The following PWWP2A variants were observed in gnomAD, a reference collection of about 807,000 sequenced individuals.
PWWP2A encodes PWWP domain-containing protein 2A.
In PWWP2A, 18 loss-of-function variants were observed where a neutral mutation model predicts 48.5. The ratio of observed to expected loss-of-function variants is 0.37; its 90% CI spans 0.26 to 0.55. The LOEUF is 0.55. PWWP2A is among the 20% of genes least tolerant of loss of function. The pLI is 0.81. For synonymous variants in PWWP2A, 396 were observed against 387.7 expected (o/e 1.02, Z -0.25); for missense variants, 867 against 976.4 (o/e 0.89, Z 1.49).
At chr5:160,045,575 T>C in the PWWP2A span, among the ~76,000 whole-genome samples, 1 of 145,590 alleles carries the variant, frequency 6.9e-6, no homozygotes, top group Non-Finnish European at 1.5e-5. Flanking sequence ...TCTCAATCTC[T>C]CAATTCATAA....
chr5:160,094,552 T>C (rs978482340), intron 1 of PWWP2A, among the ~76,000 whole-genome samples: 15 of 152,186 alleles, frequency 9.9e-5, no homozygotes, highest in Admixed American at 9.2e-4. Flanking sequence ...CTCAACTTTA[T>C]TGGTTAATCA....
intron 1 of PWWP2A, chr5:160,113,229 C>T: frequency 1.0e-6 from 1 of 982,312 alleles, no homozygotes; most frequent in Non-Finnish European, 1.2e-6. Flanking sequence ...TTTAGTACCA[C>T]TTTCTTTTCT....
chr5:160,097,933 T>A (rs561262858), intron 1 of PWWP2A, among the ~76,000 whole-genome samples: 2 of 152,060 alleles, frequency 1.3e-5, no homozygotes, highest in Admixed American at 6.6e-5. Flanking sequence ...AAGCTGGTTT[T>A]GAACTTCTGG....
At chr5:160,057,809 G>A (rs183184338), downstream of PWWP2A, among the ~76,000 whole-genome samples, 190 of 152,104 alleles carry the variant, frequency 1.2e-3, 3 homozygotes, top group Middle Eastern at 0.017. The surrounding 1 kb of genome is among the most constrained non-coding windows in gnomAD (Gnocchi z 4.4). Context: ...TCATTCTGTC[G>A]CCAGGCTGGA....
chr5:160,083,783 G>A, intron 2 of PWWP2A, among the ~76,000 whole-genome samples: 1 of 152,148 alleles, frequency 6.6e-6, no homozygotes, highest in Non-Finnish European at 1.5e-5. Context: ...CCCATGCCAG[G>A]CCCTGTGTTT....
At chr5:160,106,330 T>A (rs1291978838) in intron 1 of PWWP2A, among the ~76,000 whole-genome samples, 1 of 152,220 alleles carries the variant, frequency 6.6e-6, no homozygotes, top group East Asian at 1.9e-4. Context: ...TTGGTGTCTA[T>A]CTATGAAATG....
At chr5:160,088,187 G>A (rs1292115404), downstream of PWWP2A, among the ~76,000 whole-genome samples, 1 of 152,074 alleles carries the variant, frequency 6.6e-6, no homozygotes, top group African/African-American at 2.4e-5. Flanking sequence ...AATTGGCATG[G>A]CATCCTATTT....
chr5:160,058,442 G>A (rs373457885), downstream of PWWP2A, among the ~76,000 whole-genome samples: 7 of 140,198 alleles, frequency 5.0e-5, no homozygotes, highest in East Asian at 4.2e-4. Context: ...ACGGAGTCTC[G>A]CTGTGTCGCC....
downstream of PWWP2A, among the ~76,000 whole-genome samples, chr5:160,075,546 T>G (rs1753849439): frequency 6.6e-6 from 1 of 152,090 alleles, no homozygotes; most frequent in South Asian, 2.1e-4. Context: ...TCCTTAAAAT[T>G]AAAACAAAAG....
In PWWP2A at chr5:160,092,131, C is replaced by T; in HGVS notation, c.*251G>A. 3.3e-6 allele frequency: 4 copies of T among 1,219,502 alleles called. No homozygotes were observed. Among genetic ancestry groups the T allele is most frequent in the Non-Finnish European group, 4.1e-6 (4 of 976,934 alleles). The allele number at this position is 1,219,502 out of a possible 1,614,324, so 75.5% of individuals were successfully genotyped here. ...TTCAGTTGAGGCTATGGCTCCTATG[C>T]CTTGGGATGGTTTCGAACTTCAAAA... On this transcript the variant is annotated 3_prime_UTR_variant, in exon 2 of 2. Coordinates refer to ENST00000307063, the MANE Select transcript of PWWP2A (RefSeq NM_001130864.2).
At chr5:160,096,587 T>C (rs1343232389) in intron 1 of PWWP2A, among the ~76,000 whole-genome samples, 1 of 152,224 alleles carries the variant, frequency 6.6e-6, no homozygotes, top group African/African-American at 2.4e-5. Flanking sequence ...CATGTTCACG[T>C]TTCAATACCT....
intron 4 of PWWP2A, chr5:160,065,223 C>A: frequency 9.7e-7 from 1 of 1,035,324 alleles, no homozygotes; most frequent in Admixed American, 2.0e-5. Context: ...CTTTTATGAT[C>A]AGGGTGAAAT....
chr5:160,113,209 T>C (rs2113672783), intron 1 of PWWP2A: 2 of 980,522 alleles, frequency 2.0e-6, no homozygotes, highest in South Asian at 4.7e-5. Flanking sequence ...GTCCAGTCAA[T>C]AATTTACTAT....
At chr5:160,074,084 T>G (rs1753809846), downstream of PWWP2A, among the ~76,000 whole-genome samples, 1 of 147,340 alleles carries the variant, frequency 6.8e-6, no homozygotes, top group Non-Finnish European at 1.5e-5. Context: ...AAAAAAAAAT[T>G]TCATTCCGAT....
intron 1 of PWWP2A, among the ~76,000 whole-genome samples, chr5:160,106,450 T>C (rs2113628487): frequency 6.6e-6 from 1 of 152,130 alleles, no homozygotes; most frequent in East Asian, 1.9e-4. Context: ...TAGTAGCTAC[T>C]ATAAAACACA....
chr5:160,109,895 G>C (rs1446431697), intron 1 of PWWP2A, among the ~76,000 whole-genome samples: 1 of 134,936 alleles, frequency 7.4e-6, no homozygotes, highest in Non-Finnish European at 1.6e-5. Flanking sequence ...AATTGCAAGT[G>C]AATAAAAGTA....
intron 2 of PWWP2A, among the ~76,000 whole-genome samples, chr5:160,069,885 C>T (rs1425426657): frequency 6.6e-6 from 1 of 152,168 alleles, no homozygotes; most frequent in Non-Finnish European, 1.5e-5. Flanking sequence ...AAATCCCCAA[C>T]TTTTCCTTTC....
intron 4 of PWWP2A, among the ~76,000 whole-genome samples, chr5:160,066,315 T>TTTTTTTTTTTTA (rs1753607904): frequency 1.4e-5 from 2 of 147,878 alleles, no homozygotes; most frequent in African/African-American, 2.5e-5. Flanking sequence ...TTTTTTTTTT[T>TTTTTTTTTTTTA]GAGGGGGGTC....
intron 1 of PWWP2A, chr5:160,108,634 T>A: frequency 1.6e-6 from 2 of 1,249,898 alleles, no homozygotes; most frequent in Non-Finnish European, 2.1e-6. Flanking sequence ...AAAGAAATCA[T>A]TGTCTTGGTT....
Sources: gnomAD v4.1 joint callset for allele counts (sites outside exome capture counted in the v4.1 genomes callset) on GRCh38, gnomAD v4.1.1 for gene constraint, Gnocchi (gnomAD v3.1) non-coding constraint, MANE v1.5 for transcripts, NCBI Gene and HGNC (gene_info 2026-07-23, HGNC 2026-07-21) for gene names.